Variants in HUWE1 observed in about 807,000 individuals in gnomAD.
HUWE1 encodes the protein E3 ubiquitin-protein ligase HUWE1.
HUWE1 carries 18 observed loss-of-function variants against 299.4 expected under a neutral mutation model. The ratio of observed to expected loss-of-function variants is 0.06; its 90% CI spans 0.04 to 0.09. The LOEUF is 0.09. Ranked by LOEUF, HUWE1 falls within the 10% of genes least tolerant of loss-of-function variation. HUWE1 has a pLI of 1.00. For synonymous variants in HUWE1, 1,317 were observed against 1,286.1 expected (o/e 1.02, Z -0.51); for missense variants, 1,832 against 3,462.3 (o/e 0.53, Z 11.82).
At chrX:53,670,984 TCA>T (rs1401413908) in intron 3 of HUWE1, among the ~76,000 whole-genome samples, 1 of 112,187 alleles carries the variant, frequency 8.9e-6, no homozygotes, top group Non-Finnish European at 1.9e-5. Flanking sequence ...ACTAAACATA[TCA>T]CAGTGAAAAA....
At chrX:53,557,756 A>C (rs1033632691) in intron 59 of HUWE1, among the ~76,000 whole-genome samples, 1 of 111,850 alleles carries the variant, frequency 8.9e-6, no homozygotes, top group African/African-American at 3.3e-5. Flanking sequence ...TTTTCCCTTC[A>C]TGGGGCTTAT....
intron 47 of HUWE1, among the ~76,000 whole-genome samples, chrX:53,570,165 G>GTACAGTA (rs1602711629): frequency 8.9e-6 from 1 of 112,446 alleles, no homozygotes; most frequent in Admixed American, 9.4e-5. Flanking sequence ...CCAGGCCAGA[G>GTACAGTA]TACAGTGGCT....
At chrX:53,542,347 A>G (rs782698318) in intron 74 of HUWE1, 96 bp downstream of exon 74, 9 of 620,895 alleles carry the variant, frequency 1.4e-5, no homozygotes, top group Non-Finnish European at 2.5e-5. Flanking sequence ...ATGGGAAAAC[A>G]CTGGGCTTAT....
Position 53,549,169 on chromosome X carries a change from C to T in HUWE1, c.9825G>A (p.Met3275Ile). 8.3e-7 allele frequency: 1 copy of T among 1,212,068 alleles called. No homozygotes were observed. Among genetic ancestry groups the T allele is most frequent in the Non-Finnish European group, 1.1e-6 (1 of 895,433 alleles). The change falls in exon 67 of 84, where the codon ATG becomes ATA. Residue 3275 changes from methionine to isoleucine, a missense_variant. Coordinates refer to ENST00000262854, the MANE Select transcript of HUWE1 (RefSeq NM_031407.7). ...AAAGCTGGTTGGAGCTCTTTGACTC[C>T]ATCTTGTGTAGCAGGTCCAGGGGAC... ...ENRPLDLLHK[M>I]ESKSSNQLSW... is the part of the protein sequence containing the mutation.
chrX:53,561,238 C>T (rs1426648737), intron 55 of HUWE1, among the ~76,000 whole-genome samples: 8 of 111,741 alleles, frequency 7.2e-5, no homozygotes, highest in Admixed American at 3.8e-4. Context: ...TCTAAGAACT[C>T]GATTCTAACT....
In HUWE1 at chrX:53,583,934, AAC is replaced by A; in HGVS notation, c.5162-20_5162-19del. 3 of 1,137,613 alleles carry A rather than the reference AAC, an allele frequency of 2.6e-6. No individual in the cohort carries two copies. Among genetic ancestry groups the A allele is most frequent in the Non-Finnish European group, 3.6e-6 (3 of 828,772 alleles). 93.8% of individuals were successfully genotyped at this position (1,137,613 alleles called of 1,213,427 possible). ...AGGGGTATCTATAAAATGGGAAAAT[AAC>A]AGTTTTAGACAGTTTAACTTGATGT... On this transcript the variant is annotated intron_variant, in intron 41 of 83. Coordinates refer to ENST00000262854, the MANE Select transcript of HUWE1 (RefSeq NM_031407.7).
At position 53,589,529 on chromosome X, in the gene HUWE1, G is replaced by A. The variant is rs1384392857; in HGVS notation, c.4461+18C>T. ...ACCACTTCACATACTCCCCTCTTCT[G>A]ACCCCTTGAGAGCTCACCTGATTGA... On this transcript the variant is annotated intron_variant, in intron 36 of 83. Transcript: ENST00000262854. 1 of 1,207,004 alleles carries A rather than the reference G, an allele frequency of 8.3e-7. No homozygotes were observed. Among genetic ancestry groups the A allele is most frequent in the African/African-American group, 1.7e-5 (1 of 57,606 alleles).
intron 9 of HUWE1, chrX:53,631,971 A>C (rs2149069822): frequency 3.1e-6 from 1 of 327,128 alleles, no homozygotes; most frequent in East Asian, 7.6e-5. Context: ...TATGTATTAG[A>C]GTTGCTTTCA....
chrX:53,552,559 C>G, intron 62 of HUWE1, 79 bp downstream of exon 62: 1 of 1,201,437 alleles, frequency 8.3e-7, no homozygotes. Flanking sequence ...ACAAGCATGT[C>G]CATTAGTTGA....
At position 53,625,847 on chromosome X, in the gene HUWE1, GGGGCCA is replaced by G. The variant is rs782293841; in HGVS notation, c.1490-595_1490-590del. 551 of 140,642 alleles carry G rather than the reference GGGGCCA, an allele frequency of 3.9e-3. 13 individuals are homozygous for G. The highest frequency in any genetic ancestry group is 4.2e-3 in the Non-Finnish European group (281 of 66,273). The allele number at this position is 140,642 out of a possible 1,213,427, so 11.6% of individuals were successfully genotyped here. A position where few individuals can be genotyped will look rare whatever the true frequency, so the allele number is the denominator to read the frequency against. On this transcript the variant is annotated intron_variant, in intron 17 of 83. Transcript: ENST00000262854. Reference sequence around the variant, plus strand: ...CGGGACCAGGACCGGGGCCGGGGCCGGGGCCAGGGCCGGGGCCGGGGCCGGGGCCGG... The same window carrying G: ...CGGGACCAGGACCGGGGCCGGGGCCGGGGCCGGGGCCGGGGCCGGGGCCGG...
chrX:53,658,572 C>T (rs2068854774), intron 3 of HUWE1, among the ~76,000 whole-genome samples: 2 of 110,831 alleles, frequency 1.8e-5, no homozygotes, highest in South Asian at 7.5e-4. Flanking sequence ...TATTGTCAAC[C>T]GATGATCTTT....
intron 68 of HUWE1, among the ~76,000 whole-genome samples, chrX:53,547,333 G>A (rs2061583217): frequency 8.9e-6 from 1 of 111,998 alleles, no homozygotes; most frequent in Admixed American, 9.5e-5. Context: ...AACTGGAAAG[G>A]CTGGGAATTC....
intron 51 of HUWE1, 151 bp downstream of exon 51, chrX:53,564,423 T>G: frequency 1.6e-6 from 1 of 629,644 alleles, no homozygotes; most frequent in Non-Finnish European, 2.5e-6. Flanking sequence ...CAAACACATT[T>G]ACTGAGCATC....
At chrX:53,640,627 A>G (rs891885027) in intron 7 of HUWE1, among the ~76,000 whole-genome samples, 3 of 111,544 alleles carry the variant, frequency 2.7e-5, no homozygotes, top group Non-Finnish European at 3.8e-5. Context: ...CTAGAAATTA[A>G]CCTCCAATCT....
chrX:53,544,923 A>G, intron 71 of HUWE1, 106 bp downstream of exon 71: 1 of 996,921 alleles, frequency 1.0e-6, no homozygotes, highest in East Asian at 3.1e-5. Context: ...TATAGGAAAG[A>G]TACGAAAATC....
chrX:53,655,914 C>T (rs987056081), intron 3 of HUWE1, among the ~76,000 whole-genome samples: 1 of 111,938 alleles, frequency 8.9e-6, no homozygotes, highest in Admixed American at 9.5e-5. Flanking sequence ...AAAGAAATAA[C>T]AGGCACACAG....
intron 73 of HUWE1, among the ~76,000 whole-genome samples, chrX:53,543,417 G>A (rs1341803487): frequency 9.0e-6 from 1 of 111,008 alleles, no homozygotes; most frequent in Non-Finnish European, 1.9e-5. Context: ...GCAGGGTGGA[G>A]GGAGCAGCCA....
chrX:53,601,939 G>C (rs1374625028), intron 28 of HUWE1, among the ~76,000 whole-genome samples: 1 of 110,800 alleles, frequency 9.0e-6, no homozygotes, highest in African/African-American at 3.3e-5. Flanking sequence ...AAAGTGCTAG[G>C]ATTACAGGCG....
At chrX:53,649,081 A>C (rs2068283481) in intron 4 of HUWE1, among the ~76,000 whole-genome samples, 1 of 112,187 alleles carries the variant, frequency 8.9e-6, no homozygotes, top group Non-Finnish European at 1.9e-5. Context: ...CCATAAAGGC[A>C]GTACAGCATC....
Sources: gnomAD v4.1 joint callset for allele counts (sites outside exome capture counted in the v4.1 genomes callset) on GRCh38, gnomAD v4.1.1 for gene constraint, MANE v1.5 for transcripts, NCBI Gene and HGNC (gene_info 2026-07-23, HGNC 2026-07-21) for gene names.